COG5: variants seen among roughly 807,000 people sequenced by gnomAD.
The protein encoded by COG5 is component of oligomeric golgi complex 5.
COG5 carries 86 observed loss-of-function variants against 110.4 expected under a neutral mutation model. That is an observed-to-expected ratio of 0.78 (90% CI 0.65 to 0.93). The LOEUF (loss-of-function observed/expected upper bound fraction) is 0.93, where lower values mean the gene tolerates loss of function less well. COG5 is among the 40% of genes least tolerant of loss of function. The pLI is 0.00. For missense variants in COG5, 1,077 were observed against 987.0 expected, an observed-to-expected ratio of 1.09 and a Z score of -1.22; for synonymous variants, 360 against 334.6, an observed-to-expected ratio of 1.08 and a Z score of -0.83.
intron 1 of COG5, among the ~76,000 whole-genome samples, chr7:107,562,249 A>G (rs1346179761): frequency 6.6e-6 from 1 of 152,252 alleles, no homozygotes; most frequent in Non-Finnish European, 1.5e-5. Flanking sequence ...ACCAAGGAGG[A>G]AAATACAGAA....
At chr7:107,540,550 C>T (rs1212483986) in intron 5 of COG5, among the ~76,000 whole-genome samples, 1 of 150,558 alleles carries the variant, frequency 6.6e-6, no homozygotes, top group Non-Finnish European at 1.5e-5. Context: ...TATACTCCAG[C>T]CCAAGTGACA....
intron 1 of COG5, among the ~76,000 whole-genome samples, chr7:107,561,682 G>A (rs530646713): frequency 6.6e-6 from 1 of 152,124 alleles, no homozygotes; most frequent in African/African-American, 2.4e-5. Flanking sequence ...TCCTTAGAAC[G>A]GAGCAGAGAC....
intron 6 of COG5, among the ~76,000 whole-genome samples, chr7:107,478,752 A>ACC (rs928786750): frequency 1.3e-5 from 2 of 151,816 alleles, no homozygotes; most frequent in African/African-American, 4.8e-5. Flanking sequence ...ATAAGGGGGG[A>ACC]ACAAATGTGT....
chr7:107,225,088 G>T (rs1433509063), intron 19 of COG5, among the ~76,000 whole-genome samples: 1 of 152,102 alleles, frequency 6.6e-6, no homozygotes, highest in Non-Finnish European at 1.5e-5. Flanking sequence ...GGTGTGGTCT[G>T]GACTCAAACT....
rs1396052705 is a variant in COG5 at position 107,372,699 on chromosome 7, G to A, written c.731C>T (p.Thr244Ile). Residue 244 changes from threonine to isoleucine, a missense_variant, in exon 8 of 22, where the codon ACT (threonine) becomes ATT (isoleucine). Physicochemically the swap from Thr to Ile is moderately conservative, Grantham distance 89. Transcript: ENST00000297135. ...VFYNLGTLKDTITSVVDGYCA... is the reference protein window; with the variant it reads ...VFYNLGTLKDIITSVVDGYCA... ...ATATCCATCCACAACACTGGTAATA[G>A]TATCCTTCAAAGTTCCAAGATTATA... is the stretch of plus-strand genomic sequence containing the variant. 4 of 1,613,368 alleles carry A rather than the reference G, an allele frequency of 2.5e-6. No homozygotes were observed.
intron 11 of COG5, among the ~76,000 whole-genome samples, chr7:107,307,093 T>C (rs543467023): frequency 6.6e-6 from 1 of 152,238 alleles, no homozygotes; most frequent in Non-Finnish European, 1.5e-5. Context: ...TTGCAGCCAC[T>C]GTCCTGTTGC....
intron 5 of COG5, among the ~76,000 whole-genome samples, chr7:107,538,850 T>C (rs779384569): frequency 2.0e-4 from 30 of 151,880 alleles, no homozygotes; most frequent in Non-Finnish European, 3.5e-4. Flanking sequence ...TAAATATTCA[T>C]CAACTGATGA....
At position 107,270,005 on chromosome 7, in the gene COG5, A is replaced by G. The variant is rs182196602; in HGVS notation, c.1575+11295T>C. Among the ~76,000 whole-genome samples, 9 of 152,330 alleles carry G rather than the reference A, an allele frequency of 5.9e-5. No individual in the cohort carries two copies. In the East Asian group the frequency reaches 1.5e-3, roughly 26 times the overall value. ...AGCAAGAGGATCTGGGGTTGAAGGT[A>G]TCACTTTATGGCGGTATAACCAAAG... On this transcript the variant is annotated intron_variant, in intron 14 of 21. Transcript: ENST00000297135.
At chr7:107,261,177 T>A (rs1030451699) in intron 14 of COG5, among the ~76,000 whole-genome samples, 1 of 152,146 alleles carries the variant, frequency 6.6e-6, no homozygotes, top group African/African-American at 2.4e-5. Context: ...AAAATATCTG[T>A]GTATAAGTGG....
In COG5 at chr7:107,265,403, G is replaced by C. The variant is rs150833251; in HGVS notation, c.1576-7020C>G. 7.4e-3 allele frequency among the ~76,000 whole-genome samples: 1,124 copies of C among 152,108 alleles called. 8 individuals carry two copies. Among genetic ancestry groups the C allele is most frequent in the Middle Eastern group, 0.02 (6 of 294 alleles). ...AGTGATCCTCCCATCTCAGCTTCCC[G>C]AGTAGCTGGGACCACAGGCATATAC... On this transcript the variant is annotated intron_variant, in intron 14 of 21. Coordinates refer to ENST00000297135, the MANE Select transcript of COG5 (RefSeq NM_006348.5).
At chr7:107,233,932 T>C (rs910386646) in intron 18 of COG5, among the ~76,000 whole-genome samples, 1 of 152,138 alleles carries the variant, frequency 6.6e-6, no homozygotes, top group Non-Finnish European at 1.5e-5. Flanking sequence ...CCAAACGAAA[T>C]AAAACCTTGA....
chr7:107,297,493 G>A (rs1806860639), intron 12 of COG5, among the ~76,000 whole-genome samples: 1 of 123,554 alleles, frequency 8.1e-6, no homozygotes, highest in Admixed American at 1.0e-4. Flanking sequence ...TTGTCGCCCA[G>A]GCTGGAGTGC....
intron 6 of COG5, chr7:107,473,932 TAAAC>T (rs1201460571): frequency 2.6e-5 from 13 of 497,654 alleles, no homozygotes; most frequent in Non-Finnish European, 4.5e-5. Flanking sequence ...ACTTAAAAAT[TAAAC>T]TAAGTACACA....
chr7:107,474,868 G>A lies in COG5; in HGVS notation c.538+52369C>T, dbSNP rs757317859. The A allele has an allele frequency of 8.1e-6, 13 of 1,613,032 alleles. No individual in the cohort carries two copies. In the East Asian group the frequency reaches 2.5e-4, roughly 30 times the overall value. ...TCTAACCACACAACATGAGGCTACAGACATGTCACAAAGCAGTGGTGGGAG... is the reference window on the plus strand; with the variant it reads ...TCTAACCACACAACATGAGGCTACAAACATGTCACAAAGCAGTGGTGGGAG... On this transcript the variant is annotated intron_variant, in intron 6 of 21. Transcript: ENST00000297135. This position sits in a 1 kb window ranked among gnomAD's most constrained non-coding sequence, Gnocchi z 5.7.
rs576862609 is a variant in COG5 at position 107,231,411 on chromosome 7, T to C, written c.2092-720A>G. On this transcript the variant is annotated intron_variant, in intron 18 of 21. Coordinates refer to ENST00000297135, the MANE Select transcript of COG5 (RefSeq NM_006348.5). ...AGAATTTAGCAAATCTTGGTTTCAC[T>C]TCTCTTTATTTTCCTCCTTTGACTG... Among the ~76,000 whole-genome samples, 3 of 152,350 alleles carry C rather than the reference T, an allele frequency of 2.0e-5. No individual in the cohort carries two copies. In the South Asian group the frequency reaches 6.2e-4, roughly 32 times the overall value.
At chr7:107,362,225 A>G (rs1012133222) in intron 9 of COG5, 83 bp downstream of exon 9, 1 of 1,396,034 alleles carries the variant, frequency 7.2e-7, no homozygotes, top group African/African-American at 1.4e-5. Context: ...TCATTGATTA[A>G]AAAACCTGCC....
At chr7:107,432,529 T>C (rs944214250) in intron 6 of COG5, among the ~76,000 whole-genome samples, 1 of 152,106 alleles carries the variant, frequency 6.6e-6, no homozygotes, top group Non-Finnish European at 1.5e-5. Context: ...GAAAATACCA[T>C]AATGCTTAAA....
chr7:107,505,212 T>A (rs1345833398), intron 6 of COG5, among the ~76,000 whole-genome samples: 1 of 152,180 alleles, frequency 6.6e-6, no homozygotes, highest in African/African-American at 2.4e-5. Context: ...ACAGGAGGTG[T>A]CCACAGGTAA....
At position 107,375,633 on chromosome 7, in the gene COG5, A is replaced by G. The variant is rs1393903502; in HGVS notation, c.670-2873T>C. On this transcript the variant is annotated intron_variant, in intron 7 of 21. Coordinates refer to ENST00000297135, the MANE Select transcript of COG5 (RefSeq NM_006348.5). ...TCTTACATGGTAATTACCCATTTGG[A>G]TATCTTCTTTTGTGAAGAACTTATT... Among the ~76,000 whole-genome samples, 5 of 151,928 alleles carry G rather than the reference A, an allele frequency of 3.3e-5. No homozygotes were observed. The East Asian group carries it at 7.7e-4, about 23-fold the overall frequency.
Sources: allele counts gnomAD v4.1 joint callset (sites outside exome capture counted in the v4.1 genomes callset), GRCh38; gene constraint gnomAD v4.1.1; non-coding constraint Gnocchi (gnomAD v3.1); transcripts MANE v1.5; gene names NCBI Gene and HGNC (gene_info 2026-07-23, HGNC 2026-07-21).